The following C1QTNF3 variants were observed in gnomAD, a reference collection of about 807,000 sequenced individuals.
The protein encoded by C1QTNF3 is C1q and TNF related 3.
Under a neutral mutation model 32.6 loss-of-function variants are expected in C1QTNF3, and 26 were observed. The ratio of observed to expected loss-of-function variants is 0.80; its 90% confidence interval spans 0.58 to 1.11. The LOEUF (loss-of-function observed/expected upper bound fraction) is 1.11. C1QTNF3 is among the 50% of genes least tolerant of loss of function. C1QTNF3 has a pLI of 0.00. For synonymous variants in C1QTNF3, 155 were observed against 146.0 expected (o/e 1.06, Z -0.44); for missense variants, 362 against 398.2 (o/e 0.91, Z 0.77).
chr5:34,215,138 A>G, the C1QTNF3 span, among the ~76,000 whole-genome samples: 1 of 152,228 alleles, frequency 6.6e-6, no homozygotes, highest in East Asian at 1.9e-4. Context: ...AAATCAGTAC[A>G]GTAAAGAATA....
chr5:34,213,806 T>C, the C1QTNF3 span, among the ~76,000 whole-genome samples: 1 of 3,810 alleles, frequency 2.6e-4, no homozygotes, highest in African/African-American at 3.7e-4. Flanking sequence ...TATATATATA[T>C]ATATTTTTTT....
chr5:34,197,892 C>T, the C1QTNF3 span, among the ~76,000 whole-genome samples: 1 of 152,028 alleles, frequency 6.6e-6, no homozygotes, highest in Non-Finnish European at 1.5e-5. Flanking sequence ...TGTCCTCTAG[C>T]TCACATGGCA....
chr5:34,046,037 G>A (rs1224295515), upstream of C1QTNF3, among the ~76,000 whole-genome samples: 1 of 152,148 alleles, frequency 6.6e-6, no homozygotes, highest in Non-Finnish European at 1.5e-5. Context: ...ACCTTGCTTG[G>A]TTTGCAAACA....
the C1QTNF3 span, among the ~76,000 whole-genome samples, chr5:34,217,614 G>T: frequency 1.3e-5 from 2 of 152,132 alleles, no homozygotes; most frequent in African/African-American, 4.8e-5. Context: ...CACGGCTTAT[G>T]TTAATACAGC....
chr5:34,075,878 T>G, the C1QTNF3 span, among the ~76,000 whole-genome samples: 3 of 26,674 alleles, frequency 1.1e-4, no homozygotes, highest in South Asian at 1.1e-3. Flanking sequence ...ACAATTATGG[T>G]GTGTGTGTGT....
the C1QTNF3 span, among the ~76,000 whole-genome samples, chr5:34,145,652 G>A: frequency 8.2e-6 from 1 of 122,652 alleles, no homozygotes; most frequent in South Asian, 2.8e-4. Context: ...GCATCAACCT[G>A]ATACCACAAT....
At chr5:34,196,893 C>G in the C1QTNF3 span, among the ~76,000 whole-genome samples, 1 of 152,312 alleles carries the variant, frequency 6.6e-6, no homozygotes, top group Non-Finnish European at 1.5e-5. Flanking sequence ...ATCTCCTGAC[C>G]TAATGATCTG....
rs764181192 is a variant in C1QTNF3, at chr5:34,033,354, G to A, written c.520C>T (p.His174Tyr). 5 of 1,613,614 alleles carry A rather than the reference G, an allele frequency of 3.1e-6. No individual in the cohort carries two copies. The Admixed American group carries it at 8.3e-5, about 27-fold the overall frequency. The change falls in exon 3 of 6, where the codon CAT (histidine) becomes TAT (tyrosine). Residue 174 changes from histidine to tyrosine, a missense_variant. Physicochemically the swap from His to Tyr is moderately conservative, Grantham distance 83. Transcript: ENST00000382065. ...DLGPRGERGQ[H>Y]GPKGEKGYPG... The stretch of plus-strand genomic sequence containing the variant: ...TAGCCCTTCTCTCCTTTGGGGCCAT[G>A]CTGCCCCCGCTCCCCTCGAGGCCCC...
the C1QTNF3 span, among the ~76,000 whole-genome samples, chr5:34,172,560 C>G: frequency 6.6e-6 from 1 of 152,090 alleles, no homozygotes; most frequent in Non-Finnish European, 1.5e-5. Context: ...CCTCTATGCA[C>G]CTAAGATTCA....
At chr5:34,121,040 T>A in the C1QTNF3 span, among the ~76,000 whole-genome samples, 13 of 152,356 alleles carry the variant, frequency 8.5e-5, no homozygotes, top group South Asian at 1.0e-3. Flanking sequence ...CAGAGATCAT[T>A]AAGAACATCT....
At chr5:34,130,052 G>C in the C1QTNF3 span, among the ~76,000 whole-genome samples, 1 of 151,964 alleles carries the variant, frequency 6.6e-6, no homozygotes, top group Non-Finnish European at 1.5e-5. Flanking sequence ...GCATCTGGGA[G>C]TTCATATGTT....
chr5:34,075,628 A>G, the C1QTNF3 span, among the ~76,000 whole-genome samples: 1 of 151,540 alleles, frequency 6.6e-6, no homozygotes, highest in Admixed American at 6.6e-5. Context: ...GGGAAACTCT[A>G]CTGTTGGTAG....
chr5:34,084,474 C>A, the C1QTNF3 span, among the ~76,000 whole-genome samples: 2 of 151,598 alleles, frequency 1.3e-5, no homozygotes, highest in Non-Finnish European at 2.9e-5. Context: ...AAGATATAGT[C>A]TCCCTGTCTT....
chr5:34,032,877 T>C (rs1754649010), intron 3 of C1QTNF3, among the ~76,000 whole-genome samples: 2 of 152,200 alleles, frequency 1.3e-5, no homozygotes, highest in Admixed American at 6.5e-5. Flanking sequence ...GATTAGTATA[T>C]GTAAATATAA....
At chr5:34,083,432 T>C in the C1QTNF3 span, among the ~76,000 whole-genome samples, 20 of 151,556 alleles carry the variant, frequency 1.3e-4, no homozygotes, top group African/African-American at 4.6e-4. Flanking sequence ...GAATCTGCAC[T>C]AGCACAGCAG....
At chr5:34,170,694 T>C in the C1QTNF3 span, among the ~76,000 whole-genome samples, 2 of 152,200 alleles carry the variant, frequency 1.3e-5, no homozygotes, top group Non-Finnish European at 2.9e-5. Flanking sequence ...ATTAATGGTA[T>C]GCAGTCATTA....
chr5:34,025,453 G>T (rs371752790), intron 4 of C1QTNF3, among the ~76,000 whole-genome samples: 1 of 152,166 alleles, frequency 6.6e-6, no homozygotes, highest in Admixed American at 6.5e-5. Context: ...TGGAAATACC[G>T]AAGTGAGTAT....
the C1QTNF3 span, among the ~76,000 whole-genome samples, chr5:34,056,450 G>A: frequency 0.042 from 2,001 of 47,934 alleles, 72 homozygotes; most frequent in African/African-American, 0.082. Context: ...GTGTGTGTGT[G>A]TGTGTATATA....
the C1QTNF3 span, among the ~76,000 whole-genome samples, chr5:34,219,299 A>G: frequency 6.6e-6 from 1 of 151,918 alleles, no homozygotes; most frequent in Non-Finnish European, 1.5e-5. Context: ...TAAACTCTAA[A>G]TGAAAAATAA....
Sources: gnomAD v4.1 joint callset for allele counts (sites outside exome capture counted in the v4.1 genomes callset) on GRCh38, gnomAD v4.1.1 for gene constraint, MANE v1.5 for transcripts, NCBI Gene and HGNC (gene_info 2026-07-23, HGNC 2026-07-21) for gene names.